HCRTR2: variants seen among roughly 807,000 people sequenced by gnomAD.
HCRTR2 encodes the protein orexin receptor type 2.
HCRTR2 carries 22 observed loss-of-function variants against 49.0 expected under a neutral mutation model. The observed-to-expected ratio is 0.45, with a 90% confidence interval of 0.32 to 0.64. The LOEUF (loss-of-function observed/expected upper bound fraction) is 0.64. Among genes scored for constraint, HCRTR2 ranks in the 30% least tolerant of loss-of-function variants. HCRTR2 has a pLI of 0.04. For missense variants in HCRTR2, 491 were observed against 559.4 expected (o/e 0.88, Z 1.23); for synonymous variants, 236 against 205.3 (o/e 1.15, Z -1.28).
chr6:55,241,243 A>G (rs1002309455), intron 1 of HCRTR2, among the ~76,000 whole-genome samples: 6 of 151,022 alleles, frequency 4.0e-5, no homozygotes, highest in African/African-American at 1.5e-4. Flanking sequence ...TGTTCTTGCG[A>G]TAGTTTACTG....
chr6:55,265,772 A>G (rs2127324249), intron 4 of HCRTR2, among the ~76,000 whole-genome samples: 1 of 152,212 alleles, frequency 6.6e-6, no homozygotes, highest in South Asian at 2.1e-4. Context: ...GACTCCACCA[A>G]GTAGTAGTGA....
chr6:55,114,816 C>A (rs1764094563), intron 1 of HCRTR2, among the ~76,000 whole-genome samples: 1 of 151,722 alleles, frequency 6.6e-6, no homozygotes, highest in Non-Finnish European at 1.5e-5. Flanking sequence ...AATACAGAAA[C>A]ATAGTGCCTA....
At chr6:55,149,219 T>C (rs1252064917) in intron 1 of HCRTR2, among the ~76,000 whole-genome samples, 2 of 152,104 alleles carry the variant, frequency 1.3e-5, no homozygotes, top group African/African-American at 2.4e-5. Context: ...TTTTGTTTTG[T>C]GGAAAAAATT....
At chr6:55,150,691 A>G (rs1332709583) in intron 1 of HCRTR2, among the ~76,000 whole-genome samples, 2 of 151,962 alleles carry the variant, frequency 1.3e-5, no homozygotes, top group African/African-American at 2.4e-5. Context: ...GCTGAATAAC[A>G]TTCCATTTTA....
chr6:55,248,209 G>C (rs3122168), intron 1 of HCRTR2, among the ~76,000 whole-genome samples: 17 of 152,060 alleles, frequency 1.1e-4, no homozygotes, highest in African/African-American at 4.1e-4. Context: ...CCAAATGCAG[G>C]GTTCAGGAGA....
At chr6:55,117,453 T>A (rs1305582854) in intron 1 of HCRTR2, among the ~76,000 whole-genome samples, 1 of 151,846 alleles carries the variant, frequency 6.6e-6, no homozygotes. Context: ...TCGTTGTACA[T>A]ATTCATGGGG....
chr6:55,277,059 G>A (rs1218364985), intron 4 of HCRTR2, among the ~76,000 whole-genome samples: 1 of 152,052 alleles, frequency 6.6e-6, no homozygotes, highest in Non-Finnish European at 1.5e-5. Context: ...AGATAATATG[G>A]CTGACATCCC....
At chr6:55,254,531 A>C (rs1290055042) in intron 2 of HCRTR2, among the ~76,000 whole-genome samples, 1 of 152,132 alleles carries the variant, frequency 6.6e-6, no homozygotes, top group Non-Finnish European at 1.5e-5. Context: ...TCATAAGGAG[A>C]TTCGCATACA....
intron 1 of HCRTR2, among the ~76,000 whole-genome samples, chr6:55,177,011 C>A (rs1211797112): frequency 6.6e-6 from 1 of 152,094 alleles, no homozygotes; most frequent in Non-Finnish European, 1.5e-5. Flanking sequence ...TTTTACCTTG[C>A]ATAGACCTTG....
chr6:55,106,694 T>C (rs556322795), intron 1 of HCRTR2: 2 of 152,266 alleles, frequency 1.3e-5, no homozygotes, highest in Non-Finnish European at 2.9e-5. Flanking sequence ...TTTGCCACCA[T>C]TTTTCAACTT....
intron 1 of HCRTR2, among the ~76,000 whole-genome samples, chr6:55,110,503 A>C (rs1012947472): frequency 1.3e-5 from 2 of 152,140 alleles, no homozygotes; most frequent in Non-Finnish European, 2.9e-5. Flanking sequence ...ATAAGGATTT[A>C]TATAAACTTA....
chr6:55,202,075 A>C (rs1223837938), intron 1 of HCRTR2, among the ~76,000 whole-genome samples: 3 of 152,210 alleles, frequency 2.0e-5, no homozygotes, highest in African/African-American at 7.2e-5. Context: ...GTTCAAGGTT[A>C]TAAGAGAGCT....
intron 1 of HCRTR2, among the ~76,000 whole-genome samples, chr6:55,161,592 T>A (rs1764806597): frequency 6.6e-6 from 1 of 151,494 alleles, no homozygotes. Context: ...CTAGCCAGAC[T>A]AATGAAGAAG....
intron 1 of HCRTR2, among the ~76,000 whole-genome samples, chr6:55,163,564 G>A (rs948271047): frequency 1.3e-5 from 2 of 152,144 alleles, no homozygotes; most frequent in African/African-American, 4.8e-5. Flanking sequence ...GCGAAAACTG[G>A]CTAGCCATAT....
At chr6:55,141,947 A>G (rs189819650) in intron 1 of HCRTR2, among the ~76,000 whole-genome samples, 1 of 152,318 alleles carries the variant, frequency 6.6e-6, no homozygotes, top group East Asian at 1.9e-4. Context: ...AAACACCAAG[A>G]AATGGGAAAT....
At chr6:55,217,579 T>C (rs75847679) in intron 1 of HCRTR2, among the ~76,000 whole-genome samples, 1 of 152,188 alleles carries the variant, frequency 6.6e-6, no homozygotes, top group Admixed American at 6.5e-5. Flanking sequence ...TGCTACTTTA[T>C]ACCAAGTATG....
At chr6:55,211,018 C>G (rs1765687027) in intron 1 of HCRTR2, among the ~76,000 whole-genome samples, 1 of 152,136 alleles carries the variant, frequency 6.6e-6, no homozygotes, top group African/African-American at 2.4e-5. Context: ...TTCAGATACA[C>G]AAATGCTTAT....
intron 1 of HCRTR2, among the ~76,000 whole-genome samples, chr6:55,131,765 T>G (rs1483330115): frequency 6.6e-6 from 1 of 151,022 alleles, no homozygotes; most frequent in Non-Finnish European, 1.5e-5. Flanking sequence ...TGTTGAAAAA[T>G]AACATCTTAT....
At chr6:55,192,411 GCGCACACA>G (rs780998013) in intron 1 of HCRTR2, among the ~76,000 whole-genome samples, 56 of 44,690 alleles carry the variant, frequency 1.3e-3, no homozygotes, top group Admixed American at 8.6e-3. Context: ...ACGCGCGCGC[GCGCACACA>G]CACACACACA....
Sources: gnomAD v4.1 joint callset for allele counts (sites outside exome capture counted in the v4.1 genomes callset) on GRCh38, gnomAD v4.1.1 for gene constraint, MANE v1.5 for transcripts, NCBI Gene and HGNC (gene_info 2026-07-23, HGNC 2026-07-21) for gene names.